The following EVA1C variants were observed in gnomAD, a reference collection of about 807,000 sequenced individuals.
EVA1C encodes protein eva-1 homolog C.
Under a neutral mutation model 45.4 loss-of-function variants are expected in EVA1C, and 25 were observed. The ratio of observed to expected loss-of-function variants is 0.55; its 90% CI spans 0.40 to 0.77. The LOEUF (loss-of-function observed/expected upper bound fraction) is 0.77. EVA1C is among the 30% of genes least tolerant of loss of function. EVA1C has a pLI of 0.00. For missense variants in EVA1C, 479 were observed against 554.8 expected (o/e 0.86, Z 1.37); for synonymous variants, 190 against 221.2 (o/e 0.86, Z 1.25).
At chr21:32,460,422 T>C (rs1401444500) in intron 3 of EVA1C, among the ~76,000 whole-genome samples, 1 of 152,196 alleles carries the variant, frequency 6.6e-6, no homozygotes, top group Non-Finnish European at 1.5e-5. Flanking sequence ...ATCGTTTAGA[T>C]TTACCTTATT....
At chr21:32,456,510 G>GT (rs1267355969) in intron 2 of EVA1C, among the ~76,000 whole-genome samples, 1 of 152,122 alleles carries the variant, frequency 6.6e-6, no homozygotes, top group Non-Finnish European at 1.5e-5. Flanking sequence ...GGTTTCTTGG[G>GT]TATTTTTTCC....
At chr21:32,448,002 G>A (rs1183031848) in intron 1 of EVA1C, among the ~76,000 whole-genome samples, 1 of 152,148 alleles carries the variant, frequency 6.6e-6, no homozygotes, top group Non-Finnish European at 1.5e-5. Context: ...ACCGCGCCTG[G>A]CCCCTCCACT....
chr21:32,462,221 T>TA (rs769281297), intron 3 of EVA1C, among the ~76,000 whole-genome samples: 14,450 of 106,156 alleles, frequency 0.14, 853 homozygotes, highest in Middle Eastern at 0.16. Context: ...CCCCTATCTC[T>TA]AAAAAAAAAA....
At chr21:32,498,810 T>A (rs1243672913) in intron 5 of EVA1C, among the ~76,000 whole-genome samples, 1 of 152,130 alleles carries the variant, frequency 6.6e-6, no homozygotes, top group African/African-American at 2.4e-5. Flanking sequence ...AGGAGCTCCA[T>A]GAAGAGTGGT....
intron 2 of EVA1C, among the ~76,000 whole-genome samples, chr21:32,455,915 G>A (rs1189406885): frequency 2.6e-5 from 4 of 152,056 alleles, no homozygotes; most frequent in African/African-American, 4.8e-5. Context: ...TGTTTGAGAC[G>A]GAGTTTCACT....
intron 5 of EVA1C, chr21:32,497,295 G>A (rs981850882): frequency 1.5e-6 from 1 of 681,234 alleles, no homozygotes; most frequent in Admixed American, 2.0e-5. Flanking sequence ...CAAATCTCCA[G>A]ATTGGCAGAA....
chr21:32,513,322 G>T (rs1036836681), intron 7 of EVA1C, among the ~76,000 whole-genome samples: 1 of 147,346 alleles, frequency 6.8e-6, no homozygotes, highest in South Asian at 2.1e-4. Flanking sequence ...GACTACAGGC[G>T]CCCGCCACCA....
At chr21:32,497,019 G>A (rs1309281177) in intron 5 of EVA1C, 1 of 1,423,576 alleles carries the variant, frequency 7.0e-7, no homozygotes, top group Non-Finnish European at 9.9e-7. Context: ...TGGAACCAGA[G>A]ATGGTCTGTA....
intron 1 of EVA1C, among the ~76,000 whole-genome samples, chr21:32,443,641 T>A (rs1027696116): frequency 6.6e-6 from 1 of 152,200 alleles, no homozygotes; most frequent in Non-Finnish European, 1.5e-5. Flanking sequence ...GCCCACTATA[T>A]CATTTAATCA....
rs559735976 is a variant in EVA1C at position 32,415,130 on chromosome 21, G to A, written c.160+2117G>A. On this transcript the variant is annotated intron_variant, in intron 1 of 7. Transcript: ENST00000300255. The stretch of plus-strand genomic sequence containing the variant: ...GACGCGAACCCCATGTGGCCTCAAA[G>A]CTTGCCGCCTGTGTTCCTGGGACAG... 1.3e-4 allele frequency among the ~76,000 whole-genome samples: 20 copies of A among 152,268 alleles called. No individual in the cohort carries two copies. In the East Asian group the frequency reaches 1.9e-3, roughly 15 times the overall value.
chr21:32,454,192 G>A (rs2146253334), intron 2 of EVA1C, among the ~76,000 whole-genome samples: 1 of 152,330 alleles, frequency 6.6e-6, no homozygotes, highest in East Asian at 1.9e-4. Flanking sequence ...TCATGCCACT[G>A]CACTCTAGCC....
intron 1 of EVA1C, among the ~76,000 whole-genome samples, chr21:32,423,096 A>AAG (rs2034351390): frequency 6.8e-6 from 1 of 147,456 alleles, no homozygotes; most frequent in Non-Finnish European, 1.5e-5. Flanking sequence ...AAAAAAAAAA[A>AAG]TGGTGGACAA....
Position 32,474,072 on chromosome 21 carries a change from T to C in EVA1C, c.634+6224T>C. 9.1e-6 allele frequency: 4 copies of C among 439,560 alleles called. No individual in the cohort carries two copies. Among genetic ancestry groups the C allele is most frequent in the Non-Finnish European group, 1.2e-5 (4 of 331,380 alleles). The allele number at this position is 439,560 out of a possible 1,614,324, so 27.2% of individuals were successfully genotyped here. A position where few individuals can be genotyped will look rare whatever the true frequency, so the allele number is the denominator to read the frequency against. ...CCTCCTGAGTAGCTGGGACTACAGG[T>C]GCATGCCACCATGCCTGGCATGGTG... On this transcript the variant is annotated intron_variant, in intron 4 of 7. Transcript: ENST00000300255. The surrounding 1 kb of genome is among the most constrained non-coding windows in gnomAD (Gnocchi z 4.4).
intron 1 of EVA1C, among the ~76,000 whole-genome samples, chr21:32,428,088 G>T (rs1005930251): frequency 1.3e-5 from 2 of 152,040 alleles, no homozygotes; most frequent in African/African-American, 4.8e-5. Flanking sequence ...TCTGACCCCT[G>T]GATCCCTCTG....
Position 32,412,762 on chromosome 21 carries a change from C to T in EVA1C, c.-92C>T. 8.2e-7 allele frequency: 1 copy of T among 1,226,678 alleles called. No homozygotes were observed. 76.0% of individuals were successfully genotyped at this position (1,226,678 alleles called of 1,614,324 possible). ...GGCGGGGGGCCGCGGAGCCGCTGGCCATCGATTCTCCCCGCCATGTGACGC... is the reference window on the plus strand; with the variant it reads ...GGCGGGGGGCCGCGGAGCCGCTGGCTATCGATTCTCCCCGCCATGTGACGC... On this transcript the variant is annotated 5_prime_UTR_variant, in exon 1 of 8. Coordinates refer to ENST00000300255, the MANE Select transcript of EVA1C (RefSeq NM_058187.5).
chr21:32,491,270 C>T (rs1256250086), intron 4 of EVA1C, among the ~76,000 whole-genome samples: 1 of 152,060 alleles, frequency 6.6e-6, no homozygotes, highest in Non-Finnish European at 1.5e-5. Context: ...AGAATAACGG[C>T]TGTGAAGGAG....
intron 4 of EVA1C, among the ~76,000 whole-genome samples, chr21:32,476,695 C>T (rs1204296134): frequency 6.6e-6 from 1 of 151,970 alleles, no homozygotes; most frequent in African/African-American, 2.4e-5. Context: ...GAAGTAGGGG[C>T]ATGTGTGTGA....
At position 32,501,336 on chromosome 21, in the gene EVA1C, A is replaced by G. The variant is rs996308748; in HGVS notation, c.779-79A>G. On this transcript the variant is annotated intron_variant, in intron 5 of 7. Transcript: ENST00000300255. ...AAAGTGATTTTAAAATCTTATCTAC[A>G]TTGCATTTAAAAATGTATTAAGAGT... 8 of 1,237,652 alleles carry G rather than the reference A, an allele frequency of 6.5e-6. No homozygotes were observed. In the African/African-American group the frequency reaches 1.2e-4, roughly 19 times the overall value. The allele number at this position is 1,237,652 out of a possible 1,614,324, so 76.7% of individuals were successfully genotyped here.
chr21:32,456,926 G>A (rs1020613067), intron 2 of EVA1C, among the ~76,000 whole-genome samples: 1 of 151,210 alleles, frequency 6.6e-6, no homozygotes, highest in African/African-American at 2.4e-5. Context: ...GAGAGAGATT[G>A]AGATTTGCAG....
Sources: allele counts gnomAD v4.1 joint callset (sites outside exome capture counted in the v4.1 genomes callset), GRCh38; gene constraint gnomAD v4.1.1; non-coding constraint Gnocchi (gnomAD v3.1); transcripts MANE v1.5; gene names NCBI Gene and HGNC (gene_info 2026-07-23, HGNC 2026-07-21).